MAP4: variants seen among roughly 807,000 people sequenced by gnomAD.
MAP4 encodes microtubule-associated protein 4.
Under a neutral mutation model 170.2 loss-of-function variants are expected in MAP4, and 76 were observed. The observed-to-expected ratio is 0.45, with a 90% CI of 0.37 to 0.54. The LOEUF (loss-of-function observed/expected upper bound fraction) is 0.54, where lower values mean the gene tolerates loss of function less well. Ranked by LOEUF, MAP4 falls within the 20% of genes least tolerant of loss-of-function variation. MAP4 has a pLI of 0.00. For missense variants in MAP4, 2,506 were observed against 2,748.0 expected (o/e 0.91, Z 1.97); for synonymous variants, 909 against 994.5 (o/e 0.91, Z 1.62).
In MAP4 at chr3:47,911,059, A is replaced by G; in HGVS notation, c.3362T>C (p.Leu1121Pro). The G allele has an allele frequency of 6.5e-7, 1 of 1,536,188 alleles. No homozygotes were observed. The highest frequency in any genetic ancestry group is 2.0e-5 in the Admixed American group (1 of 51,008). The change falls in exon 9 of 21, where the codon CTG (leucine) becomes CCG (proline). Residue 1121 changes from leucine (L) to proline (P), a missense_variant. Physicochemically the swap from Leu to Pro is moderately conservative, Grantham distance 98. Coordinates refer to ENST00000683076, the MANE Select transcript of MAP4 (RefSeq NM_001385682.1). This position sits in a 1 kb window ranked among gnomAD's most constrained non-coding sequence, Gnocchi z 4.0. ...AGTGCCTGGTTGCTTTGAAGAATTCAGCCCCAGCTCCTCACTCTTATCCTG... is the reference window on the plus strand; with the variant it reads ...AGTGCCTGGTTGCTTTGAAGAATTCGGCCCCAGCTCCTCACTCTTATCCTG... ...TTQDKSEELG[L>P]NSSKQPGTKA...
At chr3:48,084,681 T>TC in intron 1 of MAP4, among the ~76,000 whole-genome samples, 1 of 151,620 alleles carries the variant, frequency 6.6e-6, no homozygotes, top group Admixed American at 6.6e-5. Context: ...GCTCCAGTGA[T>TC]CCTCCCACCC....
At chr3:47,868,813 A>G (rs1278175695) in intron 16 of MAP4, among the ~76,000 whole-genome samples, 1 of 152,204 alleles carries the variant, frequency 6.6e-6, no homozygotes, top group Non-Finnish European at 1.5e-5. Context: ...AAGGTAAAGC[A>G]CAGGGGCTCC....
At chr3:48,016,100 G>C (rs2100107652) in intron 1 of MAP4, among the ~76,000 whole-genome samples, 2 of 152,172 alleles carry the variant, frequency 1.3e-5, no homozygotes, top group South Asian at 4.1e-4. Flanking sequence ...GAGAGCCCTT[G>C]ATTACTAGAA....
At chr3:47,862,963 T>C (rs1318566425) in intron 17 of MAP4, among the ~76,000 whole-genome samples, 1 of 151,576 alleles carries the variant, frequency 6.6e-6, no homozygotes, top group African/African-American at 2.4e-5. Flanking sequence ...CAATAAAAAG[T>C]TGTTTTTTTT....
At chr3:47,930,417 A>G (rs1385949541) in intron 3 of MAP4, among the ~76,000 whole-genome samples, 1 of 150,268 alleles carries the variant, frequency 6.7e-6, no homozygotes, top group Non-Finnish European at 1.5e-5. Flanking sequence ...TGCAGTCCGC[A>G]GTCCGGCCTG....
Position 47,852,573 on chromosome 3 carries a change from C to G in MAP4, c.*361G>C. On this transcript the variant is annotated 3_prime_UTR_variant, in exon 21 of 21. Transcript: ENST00000683076. ...GATGAGGATAGAATCTGGTTCTCCT[C>G]TCCTAGATCCCAACTTAGCCTCAAC... The G allele has an allele frequency of 1.7e-6, 1 of 597,638 alleles. No individual in the cohort carries two copies. Among genetic ancestry groups the G allele is most frequent in the Non-Finnish European group, 2.8e-6 (1 of 352,134 alleles). 37.0% of individuals were successfully genotyped at this position (597,638 alleles called of 1,614,324 possible). A position where few individuals can be genotyped will look rare whatever the true frequency, so the allele number is the denominator to read the frequency against.
chr3:48,067,801 G>A (rs985284652), intron 1 of MAP4, among the ~76,000 whole-genome samples: 1 of 151,894 alleles, frequency 6.6e-6, no homozygotes, highest in African/African-American at 2.4e-5. Context: ...CACCATGGCC[G>A]GCTGATTTCT....
intron 3 of MAP4, among the ~76,000 whole-genome samples, chr3:47,931,348 T>C (rs937212983): frequency 6.6e-6 from 1 of 152,144 alleles, no homozygotes; most frequent in Non-Finnish European, 1.5e-5. Flanking sequence ...ACTACTGCCT[T>C]GGTGACAGAA....
chr3:48,052,536 G>A (rs1260623673), intron 1 of MAP4, among the ~76,000 whole-genome samples: 1 of 152,118 alleles, frequency 6.6e-6, no homozygotes, highest in Non-Finnish European at 1.5e-5. Context: ...TAATGAAAAT[G>A]TTCTAAAACT....
chr3:47,974,971 G>A (rs1245281792), intron 3 of MAP4: 18 of 986,298 alleles, frequency 1.8e-5, no homozygotes, highest in Non-Finnish European at 2.2e-5. Context: ...GGAGGGAGAA[G>A]AAAAGGAAAT....
chr3:47,970,348 G>C (rs1180409828), intron 3 of MAP4, among the ~76,000 whole-genome samples: 5 of 151,856 alleles, frequency 3.3e-5, no homozygotes. Context: ...AGCCAGGTAT[G>C]GTGGCGTGTG....
At chr3:47,955,199 T>C (rs1052937780) in intron 3 of MAP4, among the ~76,000 whole-genome samples, 1 of 152,164 alleles carries the variant, frequency 6.6e-6, no homozygotes, top group East Asian at 1.9e-4. Flanking sequence ...GCCCCAGATA[T>C]AGCATCTTTA....
In MAP4 at chr3:47,911,352, G is replaced by A. The variant is rs1045805744; in HGVS notation, c.3069C>T (p.Asn1023=). The A allele has an allele frequency of 3.1e-5, 47 of 1,535,854 alleles. No individual in the cohort carries two copies. Among genetic ancestry groups the A allele is most frequent in the Middle Eastern group, 1.7e-4 (1 of 6,012 alleles). The change falls in exon 9 of 21, where the codon AAC becomes AAT. Residue 1023 remains asparagine, a synonymous_variant. Coordinates refer to ENST00000683076, the MANE Select transcript of MAP4 (RefSeq NM_001385682.1). This position sits in a 1 kb window ranked among gnomAD's most constrained non-coding sequence, Gnocchi z 4.0. ...TAAAGATGCTGATCTCTTGTCTTTC[G>A]TTGGGAAAAGCTTCCTTTTTTAGTT... ...DKELKKEAFP[N]ERQEISIFTS... is the part of the protein sequence containing the mutation.
chr3:47,863,301 C>G (rs1012009892), intron 17 of MAP4, among the ~76,000 whole-genome samples: 3 of 152,210 alleles, frequency 2.0e-5, no homozygotes, highest in Non-Finnish European at 4.4e-5. Flanking sequence ...AAAAGCTTAA[C>G]TGAGCCTCAC....
At chr3:48,030,407 G>A (rs1418973618) in intron 1 of MAP4, among the ~76,000 whole-genome samples, 1 of 151,476 alleles carries the variant, frequency 6.6e-6, no homozygotes, top group Non-Finnish European at 1.5e-5. Context: ...ACTAATTCTA[G>A]GACTGAGAAC....
intron 17 of MAP4, among the ~76,000 whole-genome samples, chr3:47,862,730 G>C (rs918767817): frequency 1.3e-5 from 2 of 152,170 alleles, no homozygotes; most frequent in African/African-American, 4.8e-5. Context: ...GCCTGCCTCA[G>C]CCTCCCAAAT....
chr3:47,970,363 T>C (rs1200186136), intron 3 of MAP4, among the ~76,000 whole-genome samples: 3 of 152,050 alleles, frequency 2.0e-5, no homozygotes, highest in Non-Finnish European at 4.4e-5. Context: ...CGTGTGCCTG[T>C]AATCCCAGCT....
chr3:48,071,733 G>A (rs1255741671), intron 1 of MAP4, among the ~76,000 whole-genome samples: 1 of 149,662 alleles, frequency 6.7e-6, no homozygotes, highest in Non-Finnish European at 1.5e-5. Context: ...GAGACTGGCT[G>A]GGCTAATGTG....
At chr3:48,077,406 A>G (rs1381934079) in intron 1 of MAP4, among the ~76,000 whole-genome samples, 1 of 151,468 alleles carries the variant, frequency 6.6e-6, no homozygotes, top group Non-Finnish European at 1.5e-5. Context: ...AGATCGTGCC[A>G]TTGCACTCCA....
Sources: allele counts gnomAD v4.1 joint callset (sites outside exome capture counted in the v4.1 genomes callset), GRCh38; gene constraint gnomAD v4.1.1; non-coding constraint Gnocchi (gnomAD v3.1); transcripts MANE v1.5; gene names NCBI Gene and HGNC (gene_info 2026-07-23, HGNC 2026-07-21).